The following ZNF804B variants were observed in gnomAD, a reference collection of about 807,000 sequenced individuals.
ZNF804B encodes zinc finger protein 804B.
A neutral mutation model predicts 101.4 loss-of-function variants in ZNF804B; 80 were observed. The observed-to-expected ratio is 0.79, with a 90% CI of 0.66 to 0.95. ZNF804B has a LOEUF of 0.95. ZNF804B is among the 40% of genes least tolerant of loss of function. The pLI is 0.00. For synonymous variants in ZNF804B, 622 were observed against 558.8 expected, an observed-to-expected ratio of 1.11 and a Z score of -1.59; for missense variants, 1,673 against 1,561.9, an observed-to-expected ratio of 1.07 and a Z score of -1.20.
At chr7:89,170,087 G>T (rs1443832836) in intron 1 of ZNF804B, among the ~76,000 whole-genome samples, 1 of 152,132 alleles carries the variant, frequency 6.6e-6, no homozygotes, top group Non-Finnish European at 1.5e-5. Context: ...GTGCAGATCT[G>T]TGGAATAGTT....
intron 2 of ZNF804B, among the ~76,000 whole-genome samples, chr7:89,283,954 T>G (rs2115877901): frequency 6.6e-6 from 1 of 152,276 alleles, no homozygotes; most frequent in African/African-American, 2.4e-5. Context: ...GTTAGATATG[T>G]CATAAATGCA....
intron 1 of ZNF804B, among the ~76,000 whole-genome samples, chr7:88,834,740 G>A (rs571621329): frequency 4.0e-5 from 6 of 151,598 alleles, no homozygotes; most frequent in Non-Finnish European, 7.4e-5. Context: ...CTATATTGAT[G>A]TCAGATGCTC....
chr7:88,776,185 T>C (rs1205615190), intron 1 of ZNF804B, among the ~76,000 whole-genome samples: 1 of 152,230 alleles, frequency 6.6e-6, no homozygotes, highest in East Asian at 1.9e-4. Flanking sequence ...ATAGTAAGTG[T>C]ACAATGAAAG....
At chr7:89,212,252 T>TATAC (rs746773282) in intron 1 of ZNF804B, among the ~76,000 whole-genome samples, 1 of 87,096 alleles carries the variant, frequency 1.1e-5, no homozygotes, top group African/African-American at 4.8e-5. Context: ...CATTCAGTGA[T>TATAC]ACACACACAC....
At chr7:89,035,323 G>T (rs1410187154) in intron 1 of ZNF804B, among the ~76,000 whole-genome samples, 1 of 152,036 alleles carries the variant, frequency 6.6e-6, no homozygotes, top group Non-Finnish European at 1.5e-5. Context: ...CACCAGCAAA[G>T]AAAATAGTTT....
At chr7:88,933,851 A>G (rs1792926585) in intron 1 of ZNF804B, among the ~76,000 whole-genome samples, 1 of 151,936 alleles carries the variant, frequency 6.6e-6, no homozygotes, top group South Asian at 2.1e-4. Context: ...ATCAACCTAC[A>G]AATAAAATGC....
intron 1 of ZNF804B, among the ~76,000 whole-genome samples, chr7:88,954,223 C>CT (rs541144379): frequency 2.6e-5 from 4 of 151,454 alleles, no homozygotes; most frequent in Non-Finnish European, 4.4e-5. Context: ...TAAAGATTGA[C>CT]TTTTTTTTCC....
intron 1 of ZNF804B, among the ~76,000 whole-genome samples, chr7:88,872,332 GC>G (rs1460555188): frequency 6.6e-6 from 1 of 152,076 alleles, no homozygotes; most frequent in Non-Finnish European, 1.5e-5. Context: ...CAGGAAAATG[GC>G]TTTAACCTAG....
At position 89,164,556 on chromosome 7, in the gene ZNF804B, T is replaced by C. The variant is rs531281155; in HGVS notation, c.109-53599T>C. ...TTTGATGGTTGGCACAGGGACACAA[T>C]AGGTACAAAATCCGTGGTTTTTATT... On this transcript the variant is annotated intron_variant, in intron 1 of 3. Coordinates refer to ENST00000333190, the MANE Select transcript of ZNF804B (RefSeq NM_181646.5). 2.6e-5 allele frequency among the ~76,000 whole-genome samples: 4 copies of C among 152,236 alleles called. No individual in the cohort carries two copies. The East Asian group carries it at 5.8e-4, about 22-fold the overall frequency.
At chr7:89,183,501 C>T (rs1345180013) in intron 1 of ZNF804B, among the ~76,000 whole-genome samples, 6 of 152,040 alleles carry the variant, frequency 3.9e-5, no homozygotes, top group Non-Finnish European at 8.8e-5. Flanking sequence ...AAATCATTTT[C>T]TTTTAAAAAT....
chr7:89,089,667 A>C lies in ZNF804B; in HGVS notation c.109-128488A>C, dbSNP rs146878621. Among the ~76,000 whole-genome samples the C allele has an allele frequency of 1.5e-3, 223 of 152,166 alleles. 1 individual carries two copies. Among genetic ancestry groups the C allele is most frequent in the Middle Eastern group, 0.014 (4 of 294 alleles). Reference sequence around the variant, plus strand: ...AACATCTAAATATATTAAAATTTAAATATTGAAATATAATTAAAATGAAAT... The same window carrying C: ...AACATCTAAATATATTAAAATTTAACTATTGAAATATAATTAAAATGAAAT... On this transcript the variant is annotated intron_variant, in intron 1 of 3. Transcript: ENST00000333190.
At chr7:88,966,276 G>A (rs1793452850) in intron 1 of ZNF804B, among the ~76,000 whole-genome samples, 2 of 151,518 alleles carry the variant, frequency 1.3e-5, no homozygotes, top group Non-Finnish European at 3.0e-5. Context: ...ATTAATGTAT[G>A]TGCAATAAAA....
chr7:88,852,337 A>T (rs1044001234), intron 1 of ZNF804B, among the ~76,000 whole-genome samples: 1 of 152,084 alleles, frequency 6.6e-6, no homozygotes, highest in African/African-American at 2.4e-5. Context: ...TCGTTTGAGG[A>T]TATTTTACTG....
At chr7:89,283,379 A>G (rs986250222) in intron 2 of ZNF804B, among the ~76,000 whole-genome samples, 24 of 152,182 alleles carry the variant, frequency 1.6e-4, no homozygotes, top group Non-Finnish European at 4.4e-5. Context: ...TATCACACGT[A>G]TGCTTGCAGT....
intron 1 of ZNF804B, among the ~76,000 whole-genome samples, chr7:89,013,727 C>T (rs1788498515): frequency 6.6e-6 from 1 of 152,116 alleles, no homozygotes; most frequent in Admixed American, 6.5e-5. Flanking sequence ...TCCTAACTAG[C>T]TGTAATTTTG....
At chr7:88,973,753 T>C (rs1793570940) in intron 1 of ZNF804B, among the ~76,000 whole-genome samples, 3 of 151,416 alleles carry the variant, frequency 2.0e-5, no homozygotes, top group African/African-American at 7.3e-5. Flanking sequence ...TAATAGTCAG[T>C]GGTTTCTTTT....
intron 2 of ZNF804B, among the ~76,000 whole-genome samples, chr7:89,277,206 C>T (rs74761428): frequency 0.011 from 1,611 of 149,672 alleles, 55 homozygotes; most frequent in African/African-American, 0.037. Context: ...AAGAGAAATT[C>T]CTCAAATGCA....
At chr7:88,917,174 A>G (rs977957025) in intron 1 of ZNF804B, among the ~76,000 whole-genome samples, 10 of 152,082 alleles carry the variant, frequency 6.6e-5, no homozygotes, top group Non-Finnish European at 1.5e-4. Context: ...CTGAGGCAGG[A>G]GAATTGCTAG....
chr7:88,802,583 A>T (rs990543506), intron 1 of ZNF804B, among the ~76,000 whole-genome samples: 1 of 152,154 alleles, frequency 6.6e-6, no homozygotes, highest in African/African-American at 2.4e-5. Context: ...AAGATTATAA[A>T]TGATATGAAA....
Sources: allele counts gnomAD v4.1 joint callset (sites outside exome capture counted in the v4.1 genomes callset), GRCh38; gene constraint gnomAD v4.1.1; transcripts MANE v1.5; gene names NCBI Gene and HGNC (gene_info 2026-07-23, HGNC 2026-07-21).